PPP2R2A: variants seen among roughly 807,000 people sequenced by gnomAD.
PPP2R2A encodes protein phosphatase 2 regulatory subunit Balpha.
A neutral mutation model predicts 53.2 loss-of-function variants in PPP2R2A; 9 were observed. That is an observed-to-expected ratio of 0.17 (90% CI 0.10 to 0.30). The LOEUF is 0.30. PPP2R2A is among the 10% of genes least tolerant of loss of function. PPP2R2A has a pLI of 1.00. For missense variants in PPP2R2A, 235 were observed against 534.6 expected, an observed-to-expected ratio of 0.44 and a Z score of 5.53; for synonymous variants, 169 against 174.2, an observed-to-expected ratio of 0.97 and a Z score of 0.23.
rs751247570 is a variant in PPP2R2A, at chr8:26,291,782, C to T, written c.-38C>T. The T allele has an allele frequency of 5.0e-6, 8 of 1,595,524 alleles. No individual in the cohort carries two copies. The East Asian group carries it at 1.7e-4, about 33-fold the overall frequency. On this transcript the variant is annotated 5_prime_UTR_variant, in exon 1 of 10. Coordinates refer to ENST00000380737, the MANE Select transcript of PPP2R2A (RefSeq NM_002717.4). The stretch of plus-strand genomic sequence containing the variant: ...GGGGGTGAGTTCAGGAAGCGGAGAC[C>T]CCGAGGAACCCAGCAGGGTCACCAT...
intron 2 of PPP2R2A, among the ~76,000 whole-genome samples, chr8:26,317,664 AAGG>A (rs1802624982): frequency 6.6e-6 from 1 of 152,232 alleles, no homozygotes; most frequent in African/African-American, 2.4e-5. Context: ...GAACCAGTAA[AAGG>A]AGACCCAGAC....
intron 2 of PPP2R2A, among the ~76,000 whole-genome samples, chr8:26,301,039 C>G (rs1321071122): frequency 1.3e-5 from 2 of 152,152 alleles, no homozygotes; most frequent in Non-Finnish European, 2.9e-5. Context: ...CACAAATACC[C>G]TGTGAAATAA....
Position 26,362,926 on chromosome 8 carries a change from A to G in PPP2R2A, c.802+78A>G, listed in dbSNP as rs17309592. The G allele has an allele frequency of 0.052, 71,820 of 1,392,080 alleles. 2,474 individuals carry two copies. Among genetic ancestry groups the G allele is most frequent in the South Asian group, 0.13 (10,434 of 81,970 alleles). 86.2% of individuals were successfully genotyped at this position (1,392,080 alleles called of 1,614,324 possible). ...ATAAGCCTCAGACATGATAAGTACA[A>G]TTACAGAGGTTCAAAGTCTTAAACC... On this transcript the variant is annotated intron_variant, in intron 7 of 9. Transcript: ENST00000380737. This position sits in a 1 kb window ranked among gnomAD's most constrained non-coding sequence, Gnocchi z 4.4.
At chr8:26,331,634 C>T (rs988298698) in intron 2 of PPP2R2A, among the ~76,000 whole-genome samples, 4 of 152,154 alleles carry the variant, frequency 2.6e-5, no homozygotes, top group African/African-American at 4.8e-5. Context: ...GCCAGCTTGA[C>T]GAGAGCATTT....
rs979591647 is a variant in PPP2R2A at position 26,363,580 on chromosome 8, A to C, written c.803-141A>C. 3.9e-5 allele frequency: 27 copies of C among 684,574 alleles called. No homozygotes were observed. The African/African-American group carries it at 4.7e-4, about 12-fold the overall frequency. 42.4% of individuals were successfully genotyped at this position (684,574 alleles called of 1,614,324 possible). ...AAGCTTTCAGGAGAATTCTAGCCAG[A>C]GAGATGTTTTTCAGTTCTTTATTAG... is the stretch of plus-strand genomic sequence containing the variant. On this transcript the variant is annotated intron_variant, in intron 7 of 9. Transcript: ENST00000380737.
Position 26,370,772 on chromosome 8 carries a change from G to C in PPP2R2A, c.*359G>C. ...GTGAAAGCCTTCAGTCATGCTATGGGATTTAATTGTGTATCCTCATTACTG... is the reference window on the plus strand; with the variant it reads ...GTGAAAGCCTTCAGTCATGCTATGGCATTTAATTGTGTATCCTCATTACTG... On this transcript the variant is annotated 3_prime_UTR_variant, in exon 10 of 10. Transcript: ENST00000380737. The surrounding 1 kb of genome is among the most constrained non-coding windows in gnomAD (Gnocchi z 6.1). 3.7e-6 allele frequency: 1 copy of C among 271,180 alleles called. No homozygotes were observed. The highest frequency in any genetic ancestry group is 4.7e-5 in the South Asian group (1 of 21,486). The allele number at this position is 271,180 out of a possible 1,614,324, so 16.8% of individuals were successfully genotyped here. A position where few individuals can be genotyped will look rare whatever the true frequency, so the allele number is the denominator to read the frequency against.
chr8:26,295,894 GTTA>G (rs1554506138), intron 2 of PPP2R2A, among the ~76,000 whole-genome samples: 2 of 152,054 alleles, frequency 1.3e-5, no homozygotes, highest in Non-Finnish European at 2.9e-5. Context: ...GTAAAATAAG[GTTA>G]TTAACACATT....
Position 26,362,019 on chromosome 8 carries a change from TAA to T in PPP2R2A, c.638-664_638-663del, listed in dbSNP as rs1355357371. 1.4e-5 allele frequency among the ~76,000 whole-genome samples: 2 copies of T among 139,738 alleles called. No individual in the cohort carries two copies. Among genetic ancestry groups the T allele is most frequent in the Non-Finnish European group, 3.1e-5 (2 of 64,326 alleles). 91.7% of individuals were successfully genotyped at this position (139,738 alleles called of 152,430 possible). A position where few individuals can be genotyped will look rare whatever the true frequency, so the allele number is the denominator to read the frequency against. On this transcript the variant is annotated intron_variant, in intron 6 of 9. Transcript: ENST00000380737. This position sits in a 1 kb window ranked among gnomAD's most constrained non-coding sequence, Gnocchi z 4.4. ...ATATTAATTGATATTAAGATTAGATTAAGATTAGATTAAGATTAATCTTAAGA... is the reference window on the plus strand; with the variant it reads ...ATATTAATTGATATTAAGATTAGATTGATTAGATTAAGATTAATCTTAAGA...
intron 2 of PPP2R2A, among the ~76,000 whole-genome samples, chr8:26,314,006 CTAT>C (rs1210448686): frequency 6.6e-6 from 1 of 152,084 alleles, no homozygotes; most frequent in Non-Finnish European, 1.5e-5. Flanking sequence ...TGATTTTTTT[CTAT>C]TATTGTTTTC....
intron 2 of PPP2R2A, among the ~76,000 whole-genome samples, chr8:26,307,081 T>C (rs948313893): frequency 6.6e-6 from 1 of 152,218 alleles, no homozygotes; most frequent in African/African-American, 2.4e-5. Context: ...GGCCCTGCCT[T>C]AAAGAGGATC....
At position 26,291,697 on chromosome 8, in the gene PPP2R2A, TC is replaced by T. The variant is rs1311999935; in HGVS notation, c.-117del. The T allele has an allele frequency of 7.5e-5, 7 of 93,718 alleles. No homozygotes were observed. Among genetic ancestry groups the T allele is most frequent in the African/African-American group, 4.5e-4 (5 of 11,212 alleles). The allele number at this position is 93,718 out of a possible 1,614,324, so 5.8% of individuals were successfully genotyped here. ...CCTTTTCCCCCCGGCCCCCGTCCCC[TC>T]CCCCCGCAGGTGCCATCCGCCGCCA... On this transcript the variant is annotated 5_prime_UTR_variant, in exon 1 of 10. Coordinates refer to ENST00000380737, the MANE Select transcript of PPP2R2A (RefSeq NM_002717.4).
intron 7 of PPP2R2A, 72 bp from the exon 8 acceptor site, chr8:26,363,649 T>G: frequency 1.5e-6 from 2 of 1,294,134 alleles, no homozygotes; most frequent in Non-Finnish European, 2.0e-6. Context: ...GAATGGTTGT[T>G]TAGGAAATGC....
In PPP2R2A at chr8:26,291,683, C is replaced by T. The variant is rs1488925615; in HGVS notation, c.-137C>T. The stretch of plus-strand genomic sequence containing the variant: ...GCCCGCCCCTCCTTCCTTTTCCCCC[C>T]GGCCCCCGTCCCCTCCCCCCGCAGG... On this transcript the variant is annotated 5_prime_UTR_variant, in exon 1 of 10. Transcript: ENST00000380737. 7.3e-6 allele frequency: 4 copies of T among 551,688 alleles called. No homozygotes were observed. The highest frequency in any genetic ancestry group is 6.7e-5 in the Admixed American group (2 of 30,032). The allele number at this position is 551,688 out of a possible 1,614,324, so 34.2% of individuals were successfully genotyped here. A position where few individuals can be genotyped will look rare whatever the true frequency, so the allele number is the denominator to read the frequency against.
intron 2 of PPP2R2A, among the ~76,000 whole-genome samples, chr8:26,313,631 C>T (rs1802397899): frequency 6.6e-6 from 1 of 152,076 alleles, no homozygotes; most frequent in Admixed American, 6.5e-5. Flanking sequence ...GGGAGATCAT[C>T]CTAGGTTATC....
At chr8:26,342,822 G>A (rs6557912) in intron 3 of PPP2R2A, among the ~76,000 whole-genome samples, 146,596 of 152,262 alleles carry the variant, frequency 0.96, 70,613 homozygotes, top group East Asian at 1. Context: ...TTCACAAAAG[G>A]TGGATAGTAT....
chr8:26,370,535 C>T lies in PPP2R2A; in HGVS notation c.*122C>T, dbSNP rs907914936. 4.0e-5 allele frequency: 43 copies of T among 1,070,892 alleles called. No individual in the cohort carries two copies. Among genetic ancestry groups the T allele is most frequent in the Non-Finnish European group, 5.7e-5 (42 of 741,456 alleles). The allele number at this position is 1,070,892 out of a possible 1,614,324, so 66.3% of individuals were successfully genotyped here. A position where few individuals can be genotyped will look rare whatever the true frequency, so the allele number is the denominator to read the frequency against. On this transcript the variant is annotated 3_prime_UTR_variant, in exon 10 of 10. Transcript: ENST00000380737. The surrounding 1 kb of genome is among the most constrained non-coding windows in gnomAD (Gnocchi z 6.1). ...CCCTTTCCAGTGTTTGACAGTGTGC[C>T]ATTCGACAACACATTGTTATAGCTA...
intron 3 of PPP2R2A, among the ~76,000 whole-genome samples, chr8:26,344,983 C>G (rs1180619445): frequency 6.6e-6 from 1 of 152,134 alleles, no homozygotes; most frequent in Non-Finnish European, 1.5e-5. Flanking sequence ...TTCATATACA[C>G]CTTATACATA....
In PPP2R2A at chr8:26,371,531, CATTTTT is replaced by C. The variant is rs1805667809; in HGVS notation, c.*1120_*1125del. On this transcript the variant is annotated 3_prime_UTR_variant, in exon 10 of 10. Transcript: ENST00000380737. The stretch of plus-strand genomic sequence containing the variant: ...ACTAAATAGTCAAAGACTTATAAAA[CATTTTT>C]AACAAGTTAGAACTTTTTTGTTATT... The C allele has an allele frequency of 6.6e-6, 1 of 152,020 alleles. No individual in the cohort carries two copies. The highest frequency in any genetic ancestry group is 2.1e-4 in the South Asian group (1 of 4,828). 9.4% of individuals were successfully genotyped at this position (152,020 alleles called of 1,614,324 possible). A position where few individuals can be genotyped will look rare whatever the true frequency, so the allele number is the denominator to read the frequency against.
rs1805615206 is a variant in PPP2R2A at position 26,370,503 on chromosome 8, G to T, written c.*90G>T. The T allele has an allele frequency of 2.1e-6, 3 of 1,430,100 alleles. 1 individual carries two copies. The African/African-American group carries it at 4.3e-5, about 20-fold the overall frequency. 88.6% of individuals were successfully genotyped at this position (1,430,100 alleles called of 1,614,324 possible). A position where few individuals can be genotyped will look rare whatever the true frequency, so the allele number is the denominator to read the frequency against. On this transcript the variant is annotated 3_prime_UTR_variant, in exon 10 of 10. Coordinates refer to ENST00000380737, the MANE Select transcript of PPP2R2A (RefSeq NM_002717.4). This position sits in a 1 kb window ranked among gnomAD's most constrained non-coding sequence, Gnocchi z 6.1. ...TTCCTATAAAAGAGAGAGGTCCATT[G>T]TGGCGCCCCTTTCCAGTGTTTGACA...
Sources: allele counts gnomAD v4.1 joint callset (sites outside exome capture counted in the v4.1 genomes callset), GRCh38; gene constraint gnomAD v4.1.1; non-coding constraint Gnocchi (gnomAD v3.1); transcripts MANE v1.5; gene names NCBI Gene and HGNC (gene_info 2026-07-23, HGNC 2026-07-21).